Variants in RFX1 observed in about 807,000 individuals in gnomAD.
RFX1 encodes regulatory factor X1.
In RFX1, 42 loss-of-function variants were observed where a neutral mutation model predicts 119.6. The ratio of observed to expected loss-of-function variants is 0.35; its 90% CI spans 0.27 to 0.45. The LOEUF (loss-of-function observed/expected upper bound fraction) is 0.45, where lower values mean the gene tolerates loss of function less well. Ranked by LOEUF, RFX1 falls within the 20% of genes least tolerant of loss-of-function variation. The pLI is 1.00. For missense variants in RFX1, 1,118 were observed against 1,368.1 expected, an observed-to-expected ratio of 0.82 and a Z score of 2.88; for synonymous variants, 628 against 618.5, an observed-to-expected ratio of 1.02 and a Z score of -0.23.
In RFX1 at chr19:13,963,132, A is replaced by G. The variant is rs761967952; in HGVS notation, c.2714T>C (p.Val905Ala). The change falls in exon 19 of 21, where the codon GTC becomes GCC. Residue 905 changes from valine to alanine, a missense_variant. Val to Ala is a moderately conservative substitution (Grantham distance 64). Coordinates refer to ENST00000254325, the MANE Select transcript of RFX1 (RefSeq NM_002918.5). Reference sequence around the variant, plus strand: ...GCCCGCCTCGCGCACCTCGCCCATGACGGCGATGGGGGTCTCGCCCTTGGC... The same window carrying G: ...GCCCGCCTCGCGCACCTCGCCCATGGCGGCGATGGGGGTCTCGCCCTTGGC... ...AQAKGETPIA[V>A]MGEFANLATS... is the part of the protein sequence containing the mutation. The G allele has an allele frequency of 3.1e-6, 5 of 1,611,090 alleles. No individual in the cohort carries two copies. The highest frequency in any genetic ancestry group is 4.2e-6 in the Non-Finnish European group (5 of 1,178,568).
At chr19:14,003,532 G>A (rs1437764157) in intron 1 of RFX1, among the ~76,000 whole-genome samples, 3 of 152,186 alleles carry the variant, frequency 2.0e-5, no homozygotes, top group Non-Finnish European at 1.5e-5. Context: ...AACAGGAAGC[G>A]ACAATCACCG....
chr19:13,984,308 G>C (rs1049075346), intron 2 of RFX1, among the ~76,000 whole-genome samples: 2 of 151,794 alleles, frequency 1.3e-5, no homozygotes, highest in East Asian at 1.9e-4. Flanking sequence ...GAACAGCAGG[G>C]TGTGCAGGTG....
intron 9 of RFX1, among the ~76,000 whole-genome samples, chr19:13,972,538 C>T (rs1451296016): frequency 6.6e-6 from 1 of 152,216 alleles, no homozygotes; most frequent in Non-Finnish European, 1.5e-5. Context: ...GAATTTCATG[C>T]ATATCAGCTG....
chr19:13,992,093 G>A (rs1314650405), intron 2 of RFX1, among the ~76,000 whole-genome samples: 2 of 152,090 alleles, frequency 1.3e-5, no homozygotes, highest in African/African-American at 4.8e-5. Context: ...AAGGACCAGG[G>A]CCAGCTTTGA....
At position 13,990,608 on chromosome 19, in the gene RFX1, G is replaced by A. The variant is rs139444904; in HGVS notation, c.319+2917C>T. On this transcript the variant is annotated intron_variant, in intron 2 of 20. Coordinates refer to ENST00000254325, the MANE Select transcript of RFX1 (RefSeq NM_002918.5). This position sits in a 1 kb window ranked among gnomAD's most constrained non-coding sequence, Gnocchi z 4.1. The stretch of plus-strand genomic sequence containing the variant: ...CGAGGCGGGTGGATCACGAGGTCAG[G>A]AGATCAAGACCATCCTGGCTAACAC... 5.2e-3 allele frequency among the ~76,000 whole-genome samples: 797 copies of A among 152,252 alleles called. 5 individuals are homozygous for A. Among genetic ancestry groups the A allele is most frequent in the African/African-American group, 0.018 (736 of 41,544 alleles).
chr19:13,980,008 C>T lies in RFX1; in HGVS notation c.739-466G>A, dbSNP rs534312098. ...TGGAGGTTCGGGGGGGCTCTAGTGC[C>T]AGGCGGGGGAGTATCTGTGAAACCT... On this transcript the variant is annotated intron_variant, in intron 6 of 20. Transcript: ENST00000254325. The surrounding 1 kb of genome is among the most constrained non-coding windows in gnomAD (Gnocchi z 5.1). 1.2e-4 allele frequency among the ~76,000 whole-genome samples: 19 copies of T among 152,052 alleles called. No individual in the cohort carries two copies. The highest frequency in any genetic ancestry group is 4.6e-4 in the African/African-American group (19 of 41,438).
At chr19:13,983,653 C>T in intron 2 of RFX1, 58 bp from the exon 3 acceptor site, 1 of 1,416,050 alleles carries the variant, frequency 7.1e-7, no homozygotes, top group Non-Finnish European at 9.6e-7. Flanking sequence ...CAGCCTAAGC[C>T]TGAGCCCCCC....
rs771049021 is a variant in RFX1 at position 13,983,205 on chromosome 19, G to A, written c.495C>T (p.Asn165=). 17 of 1,577,494 alleles carry A rather than the reference G, an allele frequency of 1.1e-5. No individual in the cohort carries two copies. Among genetic ancestry groups the A allele is most frequent in the Admixed American group, 7.2e-5 (4 of 55,624 alleles). Residue 165 remains asparagine (N), a synonymous_variant, in exon 4 of 21, where the codon AAC becomes AAT. Coordinates refer to ENST00000254325, the MANE Select transcript of RFX1 (RefSeq NM_002918.5). The part of the protein sequence containing the change: ...PGHVSPLQLT[N]IQVPQQALPT... ...GCATTACCTGCTGGGGCACTTGGAT[G>A]TTGGTCAGCTGGAGGGGCGACACGT...
chr19:13,981,992 G>A, intron 5 of RFX1, 129 bp downstream of exon 5: 1 of 403,216 alleles, frequency 2.5e-6, no homozygotes, highest in Non-Finnish European at 4.4e-6. Context: ...GAGTGAAGAG[G>A]GAAGCAGGAC....
At chr19:13,973,157 CAGG>C (rs778941502) in intron 8 of RFX1, 30 bp from the exon 9 acceptor site, 22 of 1,559,978 alleles carry the variant, frequency 1.4e-5, no homozygotes, top group Middle Eastern at 1.8e-4. Flanking sequence ...AAGGGAGAGT[CAGG>C]GGGATGAGAA....
Position 13,999,981 on chromosome 19 carries a change from CCT to C in RFX1, c.-52-6088_-52-6087del, listed in dbSNP as rs199843905. On this transcript the variant is annotated intron_variant, in intron 1 of 20. Coordinates refer to ENST00000254325, the MANE Select transcript of RFX1 (RefSeq NM_002918.5). ...ATGAGCCACCGCGACTGGCCTGACCCCTGTTTTGGATGCCAGATTCTCTAATC... is the reference window on the plus strand; with the variant it reads ...ATGAGCCACCGCGACTGGCCTGACCCGTTTTGGATGCCAGATTCTCTAATC... 7.9e-3 allele frequency among the ~76,000 whole-genome samples: 1,196 copies of C among 152,172 alleles called. 19 individuals carry two copies. Among genetic ancestry groups the C allele is most frequent in the African/African-American group, 0.027 (1,129 of 41,528 alleles).
intron 8 of RFX1, among the ~76,000 whole-genome samples, chr19:13,973,415 T>C (rs1974154137): frequency 6.6e-6 from 1 of 152,040 alleles, no homozygotes; most frequent in South Asian, 2.1e-4. Flanking sequence ...AGTTCAAGAC[T>C]AGCCTGGGCC....
rs939503684 is a variant in RFX1 at position 13,966,005 on chromosome 19, A to C, written c.1962-228T>G. Among the ~76,000 whole-genome samples, 2 of 150,720 alleles carry C rather than the reference A, an allele frequency of 1.3e-5. No homozygotes were observed. The highest frequency in any genetic ancestry group is 3.0e-5 in the Non-Finnish European group (2 of 67,602). On this transcript the variant is annotated intron_variant, in intron 14 of 20. Coordinates refer to ENST00000254325, the MANE Select transcript of RFX1 (RefSeq NM_002918.5). This position sits in a 1 kb window ranked among gnomAD's most constrained non-coding sequence, Gnocchi z 6.3. ...GAAGGCACAGGTATACCTTGTCCCC[A>C]ACCCAGGGTCACTGGGGGCACTCTG...
intron 1 of RFX1, among the ~76,000 whole-genome samples, chr19:14,003,294 G>C (rs1031121643): frequency 1.3e-5 from 2 of 149,568 alleles, no homozygotes; most frequent in Non-Finnish European, 3.0e-5. Context: ...TGCCCGGCCA[G>C]GATTTTTCTT....
upstream of RFX1, chr19:14,006,553 T>G (rs915893407): frequency 6.6e-6 from 1 of 152,330 alleles, no homozygotes; most frequent in Non-Finnish European, 1.5e-5. Context: ...GGGAAGCAGC[T>G]GGTTAAGAAT....
At chr19:14,000,483 TACACACAC>T (rs142722700) in intron 1 of RFX1, among the ~76,000 whole-genome samples, 11 of 151,292 alleles carry the variant, frequency 7.3e-5, no homozygotes, top group Non-Finnish European at 1.5e-4. Context: ...CACATACACA[TACACACAC>T]ACACACTCGC....
Position 13,970,180 on chromosome 19 carries a change from G to T in RFX1, c.1315-5C>A. 3 of 1,595,852 alleles carry T rather than the reference G, an allele frequency of 1.9e-6. No individual in the cohort carries two copies. Among genetic ancestry groups the T allele is most frequent in the Non-Finnish European group, 2.6e-6 (3 of 1,168,164 alleles). On this transcript the variant is annotated splice_polypyrimidine_tract_variant and splice_region_variant and intron_variant, in intron 9 of 20. Coordinates refer to ENST00000254325, the MANE Select transcript of RFX1 (RefSeq NM_002918.5). ...GTTGTCCAGGAGCCACTGGACCTGG[G>T]GTGGGAGGGAGATGGGAGAGCACCA...
chr19:13,969,934 T>G lies in RFX1; in HGVS notation c.1496+60A>C, dbSNP rs1599480206. 1.3e-5 allele frequency: 19 copies of G among 1,478,818 alleles called. No individual in the cohort carries two copies. The highest frequency in any genetic ancestry group is 1.6e-5 in the Non-Finnish European group (17 of 1,096,438). The allele number at this position is 1,478,818 out of a possible 1,614,324, so 91.6% of individuals were successfully genotyped here. Reference sequence around the variant, plus strand: ...TGCCTGAGATGACTCGGAGTGGGGGTGGGCCTTGGCATGCCCACCAATTCC... The same window carrying G: ...TGCCTGAGATGACTCGGAGTGGGGGGGGGCCTTGGCATGCCCACCAATTCC... On this transcript the variant is annotated intron_variant, in intron 10 of 20. Coordinates refer to ENST00000254325, the MANE Select transcript of RFX1 (RefSeq NM_002918.5). The surrounding 1 kb of genome is among the most constrained non-coding windows in gnomAD (Gnocchi z 4.5).
intron 1 of RFX1, among the ~76,000 whole-genome samples, chr19:13,994,514 G>C (rs1486083703): frequency 6.6e-6 from 1 of 151,888 alleles, no homozygotes; most frequent in African/African-American, 2.4e-5. Flanking sequence ...TCAGGAGTTC[G>C]AGACCAGCCT....
Sources: allele counts gnomAD v4.1 joint callset (sites outside exome capture counted in the v4.1 genomes callset), GRCh38; gene constraint gnomAD v4.1.1; non-coding constraint Gnocchi (gnomAD v3.1); transcripts MANE v1.5; gene names NCBI Gene and HGNC (gene_info 2026-07-23, HGNC 2026-07-21).